The following HPSE2 variants were observed in gnomAD, a reference collection of about 807,000 sequenced individuals.
The protein encoded by HPSE2 is heparanase 2 (inactive), also known as inactive heparanase-2.
In HPSE2, 38 loss-of-function variants were observed where a neutral mutation model predicts 60.5. The observed-to-expected ratio is 0.63, with a 90% CI of 0.48 to 0.82. HPSE2 has a LOEUF of 0.82. Among genes scored for constraint, HPSE2 ranks in the 40% least tolerant of loss-of-function variants. HPSE2 has a pLI of 0.00. For missense variants in HPSE2, 713 were observed against 740.4 expected (o/e 0.96, Z 0.43); for synonymous variants, 295 against 293.2 (o/e 1.01, Z -0.06).
chr10:98,599,240 G>C (rs926904857), intron 9 of HPSE2, among the ~76,000 whole-genome samples: 12 of 135,104 alleles, frequency 8.9e-5, no homozygotes, highest in Admixed American at 3.1e-4. Flanking sequence ...TTCTGGGGTA[G>C]TCCTGAAGCC....
chr10:98,924,036 C>T (rs1483575826), intron 3 of HPSE2, among the ~76,000 whole-genome samples: 1 of 152,098 alleles, frequency 6.6e-6, no homozygotes, highest in East Asian at 1.9e-4. Context: ...CTTATTTGTG[C>T]CTGTCTTTCT....
At chr10:98,661,729 T>A (rs1301523046) in intron 6 of HPSE2, among the ~76,000 whole-genome samples, 1 of 152,140 alleles carries the variant, frequency 6.6e-6, no homozygotes, top group African/African-American at 2.4e-5. Flanking sequence ...TTACTAAACA[T>A]TAAGTTGTTT....
chr10:99,087,997 C>T lies in HPSE2; in HGVS notation c.610+56241G>A, dbSNP rs112030487. ...TTAATTCTCTAAACATATTTGCCTA[C>T]TAGATTCCCCTTGTTCATCCCTCTC... On this transcript the variant is annotated intron_variant, in intron 3 of 11. Transcript: ENST00000370552. Among the ~76,000 whole-genome samples, 297 of 151,568 alleles carry T rather than the reference C, an allele frequency of 2.0e-3. 1 individual carries two copies. The highest frequency in any genetic ancestry group is 7.0e-3 in the African/African-American group (291 of 41,294).
At chr10:99,234,593 G>T (rs1157858378) in intron 1 of HPSE2, among the ~76,000 whole-genome samples, 4 of 152,094 alleles carry the variant, frequency 2.6e-5, no homozygotes, top group Non-Finnish European at 5.9e-5. Flanking sequence ...GGAAGGGATC[G>T]CAGTTGCCTA....
At chr10:98,853,825 C>T (rs947451856) in intron 3 of HPSE2, among the ~76,000 whole-genome samples, 7 of 152,108 alleles carry the variant, frequency 4.6e-5, no homozygotes, top group Non-Finnish European at 1.0e-4. Context: ...GCTTCAGTTA[C>T]TTATCTGTTA....
intron 3 of HPSE2, among the ~76,000 whole-genome samples, chr10:99,069,311 T>C (rs1336162791): frequency 1.3e-5 from 2 of 152,046 alleles, no homozygotes; most frequent in Non-Finnish European, 2.9e-5. Flanking sequence ...GCCATTATCA[T>C]GGGGAAATTG....
chr10:98,862,797 C>T (rs1213926054), intron 3 of HPSE2, among the ~76,000 whole-genome samples: 2 of 152,166 alleles, frequency 1.3e-5, no homozygotes, highest in East Asian at 3.9e-4. Context: ...GGGTCTTGCT[C>T]TGTCACCCAG....
chr10:98,964,377 T>C (rs1425055517), intron 3 of HPSE2, among the ~76,000 whole-genome samples: 1 of 152,180 alleles, frequency 6.6e-6, no homozygotes, highest in Non-Finnish European at 1.5e-5. Context: ...TTCATTGACA[T>C]TAATTTACCT....
chr10:98,699,289 C>A (rs549896397), intron 5 of HPSE2, among the ~76,000 whole-genome samples: 1,807 of 151,728 alleles, frequency 0.012, 26 homozygotes, highest in African/African-American at 0.041. Flanking sequence ...AAAGCTTATC[C>A]ACCATAATCA....
chr10:98,716,382 C>T (rs1049798203), intron 5 of HPSE2, among the ~76,000 whole-genome samples: 3 of 151,436 alleles, frequency 2.0e-5, no homozygotes, highest in East Asian at 1.9e-4. Flanking sequence ...CACATGTATA[C>T]GTATGTAACT....
intron 3 of HPSE2, among the ~76,000 whole-genome samples, chr10:98,782,940 TG>T (rs1408407168): frequency 1.1e-4 from 4 of 36,758 alleles, no homozygotes; most frequent in South Asian, 8.6e-4. Flanking sequence ...TTTTTTTTAA[TG>T]TTTTTTTTTT....
intron 6 of HPSE2, among the ~76,000 whole-genome samples, chr10:98,671,301 C>T (rs1391215970): frequency 6.6e-6 from 1 of 152,134 alleles, no homozygotes; most frequent in Non-Finnish European, 1.5e-5. Context: ...CATCTTCTTG[C>T]TTGGAGTTAG....
chr10:99,105,217 C>T (rs548575401), intron 3 of HPSE2, among the ~76,000 whole-genome samples: 1 of 152,138 alleles, frequency 6.6e-6, no homozygotes, highest in African/African-American at 2.4e-5. Context: ...GTAACTGTAA[C>T]AGATAGTATT....
chr10:99,166,050 G>A (rs901343592), intron 2 of HPSE2, among the ~76,000 whole-genome samples: 1 of 152,104 alleles, frequency 6.6e-6, no homozygotes, highest in African/African-American at 2.4e-5. Context: ...CATAACAATG[G>A]AATTATACAA....
intron 3 of HPSE2, among the ~76,000 whole-genome samples, chr10:99,077,740 T>C (rs1051220230): frequency 3.3e-5 from 5 of 151,444 alleles, no homozygotes; most frequent in African/African-American, 7.3e-5. Flanking sequence ...GTGTGTGTAC[T>C]ACACACACAC....
At chr10:98,834,367 T>A (rs2134665759) in intron 3 of HPSE2, among the ~76,000 whole-genome samples, 1 of 152,208 alleles carries the variant, frequency 6.6e-6, no homozygotes, top group African/African-American at 2.4e-5. Flanking sequence ...GAAAATATGG[T>A]AAATAAGGAA....
chr10:98,910,716 T>C (rs1401353394), intron 3 of HPSE2, among the ~76,000 whole-genome samples: 1 of 152,164 alleles, frequency 6.6e-6, no homozygotes, highest in Non-Finnish European at 1.5e-5. Flanking sequence ...ACATACTGCA[T>C]TTAAGGCTCA....
intron 1 of HPSE2, among the ~76,000 whole-genome samples, chr10:99,233,841 G>A (rs1319436040): frequency 1.3e-5 from 2 of 152,148 alleles, no homozygotes; most frequent in Non-Finnish European, 2.9e-5. Context: ...GCGCGAATCC[G>A]GTCCTGGGGA....
intron 3 of HPSE2, among the ~76,000 whole-genome samples, chr10:99,100,602 G>A (rs979100391): frequency 3.3e-5 from 5 of 152,178 alleles, no homozygotes; most frequent in African/African-American, 1.2e-4. Context: ...TCCCAATCTA[G>A]CAAGGCAGAC....
Sources: gnomAD v4.1 joint callset for allele counts (sites outside exome capture counted in the v4.1 genomes callset) on GRCh38, gnomAD v4.1.1 for gene constraint, MANE v1.5 for transcripts, NCBI Gene and HGNC (gene_info 2026-07-23, HGNC 2026-07-21) for gene names.